Variants in PAFAH1B1 observed in about 807,000 individuals in gnomAD.
PAFAH1B1 encodes platelet activating factor acetylhydrolase 1b regulatory subunit 1.
A neutral mutation model predicts 57.5 loss-of-function variants in PAFAH1B1; 2 were observed. The observed-to-expected ratio is 0.03, with a 90% CI of 0.01 to 0.11. The LOEUF (loss-of-function observed/expected upper bound fraction) is 0.11, where lower values mean the gene tolerates loss of function less well. PAFAH1B1 is among the 10% of genes least tolerant of loss of function. PAFAH1B1 has a pLI of 1.00. For synonymous variants in PAFAH1B1, 152 were observed against 169.6 expected, an observed-to-expected ratio of 0.90 and a Z score of 0.81; for missense variants, 257 against 512.0, an observed-to-expected ratio of 0.50 and a Z score of 4.81.
At chr17:2,670,376 T>C (rs2069165574) in intron 6 of PAFAH1B1, 45 bp downstream of exon 6, 1 of 1,486,886 alleles carries the variant, frequency 6.7e-7, no homozygotes, top group East Asian at 2.3e-5. Flanking sequence ...TCTATCATGG[T>C]ACTTCAGAAG....
chr17:2,604,807 C>G (rs1234259699), intron 1 of PAFAH1B1, among the ~76,000 whole-genome samples: 1 of 150,998 alleles, frequency 6.6e-6, no homozygotes, highest in African/African-American at 2.4e-5. Context: ...AAGACTCTGT[C>G]TCAAAAAAAA....
chr17:2,655,507 C>T (rs1284670348), intron 2 of PAFAH1B1, among the ~76,000 whole-genome samples: 2 of 152,088 alleles, frequency 1.3e-5, no homozygotes. Flanking sequence ...AAACATGTCT[C>T]CACTAAAAAT....
Position 2,677,021 on chromosome 17 carries a change from C to T in PAFAH1B1, c.1002+415C>T, listed in dbSNP as rs553252495. 4.1e-4 allele frequency among the ~76,000 whole-genome samples: 63 copies of T among 152,140 alleles called. No individual in the cohort carries two copies. In the South Asian group the frequency reaches 0.011, roughly 27 times the overall value. The stretch of plus-strand genomic sequence containing the variant: ...ACAAAAAATTAGCTGGGCGTGGTGG[C>T]GGGCGCCTGTAGTCCCAGCTACTCG... On this transcript the variant is annotated intron_variant, in intron 9 of 10. Transcript: ENST00000397195.
At chr17:2,612,517 C>T (rs942599997) in intron 1 of PAFAH1B1, among the ~76,000 whole-genome samples, 4 of 150,360 alleles carry the variant, frequency 2.7e-5, no homozygotes, top group African/African-American at 7.3e-5. Context: ...CGTATCTTCC[C>T]GACAATCTTG....
At chr17:2,643,489 C>T (rs2873426) in intron 2 of PAFAH1B1, among the ~76,000 whole-genome samples, 87,564 of 151,676 alleles carry the variant, frequency 0.58, 27,921 homozygotes, top group East Asian at 0.88. Flanking sequence ...CCTCTGGGCT[C>T]AGGTGATGCT....
At chr17:2,643,279 T>C (rs185568094) in intron 2 of PAFAH1B1, among the ~76,000 whole-genome samples, 2 of 152,122 alleles carry the variant, frequency 1.3e-5, no homozygotes, top group South Asian at 4.2e-4. Context: ...TTCCTTTGCC[T>C]TTTTTGTTTT....
chr17:2,630,126 G>T (rs959402075), intron 1 of PAFAH1B1, among the ~76,000 whole-genome samples: 1 of 152,116 alleles, frequency 6.6e-6, no homozygotes, highest in Non-Finnish European at 1.5e-5. Context: ...CATTCATCAT[G>T]CTCTTTGTTG....
intron 9 of PAFAH1B1, among the ~76,000 whole-genome samples, chr17:2,679,482 A>T (rs1485018034): frequency 1.7e-4 from 1 of 5,756 alleles, no homozygotes; most frequent in Admixed American, 2.8e-3. Context: ...GGATGATTGG[A>T]TGGATGGATG....
At chr17:2,677,236 GT>G (rs2069284503) in intron 9 of PAFAH1B1, among the ~76,000 whole-genome samples, 1 of 152,180 alleles carries the variant, frequency 6.6e-6, no homozygotes, top group African/African-American at 2.4e-5. Flanking sequence ...TGTTGAAGAT[GT>G]TTGTTTCTCT....
At position 2,682,714 on chromosome 17, in the gene PAFAH1B1, A is replaced by G. The variant is rs1166418100; in HGVS notation, c.*912A>G. ...AGGGATGTGCAATGTGCATTACATA[A>G]TGACAGAAATACTGAGAAGGTTCTG... On this transcript the variant is annotated 3_prime_UTR_variant, in exon 11 of 11. Transcript: ENST00000397195. 1 of 152,696 alleles carries G rather than the reference A, an allele frequency of 6.5e-6. No homozygotes were observed. Among genetic ancestry groups the G allele is most frequent in the Non-Finnish European group, 1.5e-5 (1 of 68,048 alleles). 9.5% of individuals were successfully genotyped at this position (152,696 alleles called of 1,614,324 possible). A position where few individuals can be genotyped will look rare whatever the true frequency, so the allele number is the denominator to read the frequency against.
At chr17:2,603,386 C>T (rs2068167662) in intron 1 of PAFAH1B1, among the ~76,000 whole-genome samples, 2 of 152,032 alleles carry the variant, frequency 1.3e-5, no homozygotes, top group Admixed American at 6.6e-5. Context: ...TTGGGGAGGC[C>T]GAGGCAGGTG....
intron 5 of PAFAH1B1, among the ~76,000 whole-genome samples, chr17:2,669,894 A>G (rs184753127): frequency 1.1e-3 from 170 of 152,090 alleles, no homozygotes; most frequent in Middle Eastern, 6.8e-3. Context: ...TTGTGACTTT[A>G]TATACCTTAT....
At chr17:2,653,970 G>A (rs1031731049) in intron 2 of PAFAH1B1, among the ~76,000 whole-genome samples, 6 of 151,438 alleles carry the variant, frequency 4.0e-5, no homozygotes, top group Non-Finnish European at 7.4e-5. Context: ...CACCATGCCC[G>A]GTTAATTTTT....
intron 1 of PAFAH1B1, among the ~76,000 whole-genome samples, chr17:2,621,605 GTCTTTTTTTTTTTTTTTTTTTTTTTTT>G (rs1162711050): frequency 2.1e-5 from 2 of 93,208 alleles, no homozygotes; most frequent in African/African-American, 9.4e-5. Flanking sequence ...TAGATAATCT[GTCTTTTTTTTTTTTTTTTTTTTTTTTT>G]TTTTTTTTTT....
Position 2,598,396 on chromosome 17 carries a change from C to T in PAFAH1B1, c.-191+4390C>T, listed in dbSNP as rs1254557590. Among the ~76,000 whole-genome samples the T allele has an allele frequency of 3.3e-5, 5 of 151,994 alleles. No individual in the cohort carries two copies. The East Asian group carries it at 7.7e-4, about 23-fold the overall frequency. On this transcript the variant is annotated intron_variant, in intron 1 of 10. Transcript: ENST00000397195. Reference sequence around the variant, plus strand: ...TCTTTTGCCAAAGGGACTTGAGGCTCGGTTGGTTTTAAACCAAGCTGGCCA... The same window carrying T: ...TCTTTTGCCAAAGGGACTTGAGGCTTGGTTGGTTTTAAACCAAGCTGGCCA...
chr17:2,632,432 C>A (rs138906102), intron 1 of PAFAH1B1, among the ~76,000 whole-genome samples: 1 of 152,232 alleles, frequency 6.6e-6, no homozygotes, highest in African/African-American at 2.4e-5. Context: ...ACTTGTCTCA[C>A]TTAATCCAGA....
At chr17:2,646,380 T>A (rs1028832406) in intron 2 of PAFAH1B1, among the ~76,000 whole-genome samples, 1 of 152,236 alleles carries the variant, frequency 6.6e-6, no homozygotes, top group African/African-American at 2.4e-5. Flanking sequence ...TTCAAACTTA[T>A]GAGAGTACGG....
Position 2,674,556 on chromosome 17 carries a change from T to C in PAFAH1B1, c.900+268T>C, listed in dbSNP as rs185922695. Among the ~76,000 whole-genome samples the C allele has an allele frequency of 5.1e-3, 784 of 152,320 alleles. 6 individuals are homozygous for C. The highest frequency in any genetic ancestry group is 8.8e-3 in the Non-Finnish European group (596 of 68,024). The stretch of plus-strand genomic sequence containing the variant: ...AAATTTATCAGAAAAATCAGTGTTA[T>C]GAGATCATCTCAATGTAAAACAAAA... On this transcript the variant is annotated intron_variant, in intron 8 of 10. Transcript: ENST00000397195.
chr17:2,601,435 A>C (rs1284201229), intron 1 of PAFAH1B1, among the ~76,000 whole-genome samples: 1 of 148,344 alleles, frequency 6.7e-6, no homozygotes, highest in Non-Finnish European at 1.5e-5. Context: ...GCCCAGCCAC[A>C]CCTGGCTAAT....
Sources: gnomAD v4.1 joint callset for allele counts (sites outside exome capture counted in the v4.1 genomes callset) on GRCh38, gnomAD v4.1.1 for gene constraint, MANE v1.5 for transcripts, NCBI Gene and HGNC (gene_info 2026-07-23, HGNC 2026-07-21) for gene names.